Variants in RYR3 observed in about 807,000 individuals in gnomAD.
The protein encoded by RYR3 is brain ryanodine receptor-calcium release channel.
In RYR3, 207 loss-of-function variants were observed where a neutral mutation model predicts 584.3. The observed-to-expected ratio is 0.35, with a 90% CI of 0.32 to 0.40. The LOEUF (loss-of-function observed/expected upper bound fraction) is 0.40, where lower values mean the gene tolerates loss of function less well. Ranked by LOEUF, RYR3 falls within the 10% of genes least tolerant of loss-of-function variation. RYR3 has a pLI of 1.00. For synonymous variants in RYR3, 2,416 were observed against 2,248.5 expected, an observed-to-expected ratio of 1.07 and a Z score of -2.11; for missense variants, 5,616 against 6,089.2, an observed-to-expected ratio of 0.92 and a Z score of 2.59.
chr15:33,694,271 A>G (rs1027315710), intron 38 of RYR3, among the ~76,000 whole-genome samples: 1 of 149,768 alleles, frequency 6.7e-6, no homozygotes, highest in Non-Finnish European at 1.5e-5. Context: ...TTCAAGACGG[A>G]GTCTTGGTCT....
In RYR3 at chr15:33,853,081, G is replaced by C. The variant is rs2079270902; in HGVS notation, c.13665G>C (p.Lys4555Asn). 6.3e-7 allele frequency: 1 copy of C among 1,598,780 alleles called. No individual in the cohort carries two copies. Among genetic ancestry groups the C allele is most frequent in the Non-Finnish European group, 8.5e-7 (1 of 1,174,616 alleles). Residue 4555 changes from lysine (K) to asparagine (N), a missense_variant, in exon 95 of 104, where the codon AAG becomes AAC. Lys to Asn is a moderately conservative substitution (Grantham distance 94). Coordinates refer to ENST00000634891, the MANE Select transcript of RYR3 (RefSeq NM_001036.6). ...ATAACTACTGGGACAAGTTTGTAAA[G>C]AGAAAGGTATGCCTTGTTAGTGGGG... ...FPNNYWDKFV[K>N]RKVINKYGDL... is the part of the protein sequence containing the mutation.
intron 1 of RYR3, among the ~76,000 whole-genome samples, chr15:33,445,361 C>T (rs998176190): frequency 6.6e-6 from 1 of 151,958 alleles, no homozygotes; most frequent in African/African-American, 2.4e-5. Context: ...AACAACTGGG[C>T]GAATGCTGGT....
chr15:33,776,654 T>C (rs1362712084), intron 64 of RYR3, among the ~76,000 whole-genome samples: 3 of 152,260 alleles, frequency 2.0e-5, no homozygotes, highest in Non-Finnish European at 2.9e-5. Context: ...CCCACTGTGC[T>C]TTCTGCTTCT....
At chr15:33,791,368 AC>A (rs1294208498) in intron 67 of RYR3, among the ~76,000 whole-genome samples, 1 of 151,474 alleles carries the variant, frequency 6.6e-6, no homozygotes, top group African/African-American at 2.4e-5. Context: ...TGTGACACAC[AC>A]ACACACACAC....
chr15:33,852,368 G>A (rs1028162079), intron 94 of RYR3: 10 of 152,246 alleles, frequency 6.6e-5, no homozygotes, highest in Admixed American at 5.2e-4. Flanking sequence ...ATTTGCAGTG[G>A]AGCTGGTACA....
intron 74 of RYR3, 51 bp downstream of exon 74, chr15:33,813,630 G>A (rs1262362193): frequency 1.4e-6 from 2 of 1,379,624 alleles, no homozygotes; most frequent in African/African-American, 2.8e-5. Flanking sequence ...TGGGAATGGA[G>A]GTATCCTCCC....
intron 16 of RYR3, among the ~76,000 whole-genome samples, chr15:33,595,214 T>G (rs1246571165): frequency 1.3e-5 from 2 of 152,210 alleles, no homozygotes; most frequent in African/African-American, 2.4e-5. Flanking sequence ...TTTCAAAAAG[T>G]GAAAACCTTC....
chr15:33,535,303 C>A (rs1245105000), intron 5 of RYR3, among the ~76,000 whole-genome samples: 1 of 152,230 alleles, frequency 6.6e-6, no homozygotes, highest in Non-Finnish European at 1.5e-5. Context: ...CCATGTCTTG[C>A]ACAATGGTGT....
intron 43 of RYR3, among the ~76,000 whole-genome samples, chr15:33,720,227 G>A (rs1186961598): frequency 6.6e-6 from 1 of 152,214 alleles, no homozygotes; most frequent in African/African-American, 2.4e-5. Context: ...GAGGATGTCA[G>A]CAAGCCAAGC....
At chr15:33,495,073 C>T (rs2051297438) in intron 2 of RYR3, among the ~76,000 whole-genome samples, 1 of 152,110 alleles carries the variant, frequency 6.6e-6, no homozygotes, top group African/African-American at 2.4e-5. Flanking sequence ...GAAAATATTC[C>T]CACCTGCCTA....
intron 1 of RYR3, among the ~76,000 whole-genome samples, chr15:33,457,919 T>G (rs187738102): frequency 1.3e-5 from 2 of 152,306 alleles, no homozygotes; most frequent in Admixed American, 1.3e-4. Flanking sequence ...TCACACCTTG[T>G]CATGGAGCGG....
intron 89 of RYR3, 55 bp from the exon 90 acceptor site, chr15:33,840,770 T>C: frequency 6.4e-7 from 1 of 1,556,898 alleles, no homozygotes; most frequent in Non-Finnish European, 8.8e-7. Context: ...AAATGTCTCA[T>C]CATCATGACC....
Position 33,812,889 on chromosome 15 carries a change from A to G in RYR3, c.10284A>G (p.Gln3428=). ...CTGATGACCCAGCTGTAAAATGGCA[A>G]CTGAACCTCTACAAGGATGTTCTGA... The part of the protein sequence containing the change: ...EKSDDPAVKW[Q]LNLYKDVLKS... Residue 3428 remains glutamine (Q), a synonymous_variant, in exon 73 of 104, where the codon CAA becomes CAG. Transcript: ENST00000634891. The G allele has an allele frequency of 1.2e-6, 2 of 1,613,966 alleles. No individual in the cohort carries two copies. The highest frequency in any genetic ancestry group is 1.7e-6 in the Non-Finnish European group (2 of 1,179,834).
At chr15:33,620,375 C>A (rs1275930954) in intron 19 of RYR3, among the ~76,000 whole-genome samples, 3 of 152,154 alleles carry the variant, frequency 2.0e-5, no homozygotes, top group East Asian at 1.9e-4. Flanking sequence ...CAAAGGAATT[C>A]TTTCCTTTAT....
intron 97 of RYR3, 134 bp downstream of exon 97, chr15:33,854,583 G>GA (rs2079447489): frequency 9.8e-7 from 1 of 1,023,200 alleles, no homozygotes; most frequent in East Asian, 2.5e-5. Context: ...CGTGCTGGGG[G>GA]AACACTTATA....
At chr15:33,370,456 C>T (rs1224724190) in intron 1 of RYR3, among the ~76,000 whole-genome samples, 1 of 152,212 alleles carries the variant, frequency 6.6e-6, no homozygotes, top group Non-Finnish European at 1.5e-5. Context: ...CTAAGAAGAG[C>T]AGCTGGCAAG....
At chr15:33,558,922 A>G (rs1212180783) in intron 10 of RYR3, among the ~76,000 whole-genome samples, 1 of 152,130 alleles carries the variant, frequency 6.6e-6, no homozygotes, top group African/African-American at 2.4e-5. Flanking sequence ...GCTGGGGGAA[A>G]GCCTTTTCGT....
chr15:33,550,245 C>A lies in RYR3; in HGVS notation c.901C>A (p.Gln301Lys). 6.2e-7 allele frequency: 1 copy of A among 1,613,778 alleles called. No individual in the cohort carries two copies. The highest frequency in any genetic ancestry group is 1.1e-5 in the South Asian group (1 of 91,020). ...TGHYLALTEDQGLILQDRAKS... is the reference protein window; with the variant it reads ...TGHYLALTEDKGLILQDRAKS... ...CCACTACCTGGCCTTGACAGAAGAC[C>A]AAGGCCTTATACTGCAAGACCGGGC... Residue 301 changes from glutamine (Q) to lysine (K), a missense_variant, in exon 10 of 104, where the codon CAA becomes AAA. Coordinates refer to ENST00000634891, the MANE Select transcript of RYR3 (RefSeq NM_001036.6).
chr15:33,370,498 C>T (rs2040253020), intron 1 of RYR3, among the ~76,000 whole-genome samples: 2 of 152,176 alleles, frequency 1.3e-5, no homozygotes, highest in African/African-American at 4.8e-5. Flanking sequence ...CACAGCTGGC[C>T]ATAAAGAATG....
Sources: gnomAD v4.1 joint callset for allele counts (sites outside exome capture counted in the v4.1 genomes callset) on GRCh38, gnomAD v4.1.1 for gene constraint, MANE v1.5 for transcripts, NCBI Gene and HGNC (gene_info 2026-07-23, HGNC 2026-07-21) for gene names.